The following MAF variants were observed in gnomAD, a reference collection of about 807,000 sequenced individuals.
MAF encodes the protein transcription factor Maf.
In MAF, 10 loss-of-function variants were observed where a neutral mutation model predicts 22.0. The observed-to-expected ratio is 0.45, with a 90% CI of 0.28 to 0.77. MAF has a LOEUF of 0.77. Ranked by LOEUF, MAF falls within the 30% of genes least tolerant of loss-of-function variation. The pLI, the probability that MAF is intolerant of heterozygous loss-of-function variation, is 0.12. For missense variants in MAF, 544 were observed against 548.4 expected, an observed-to-expected ratio of 0.99 and a Z score of 0.08; for synonymous variants, 337 against 255.8, an observed-to-expected ratio of 1.32 and a Z score of -3.03.
chr16:79,305,119 A>C, the MAF span, among the ~76,000 whole-genome samples: 1 of 152,196 alleles, frequency 6.6e-6, no homozygotes, highest in African/African-American at 2.4e-5. Flanking sequence ...AGAACGTCCA[A>C]AGAAACAAGG....
At chr16:79,432,331 T>A in the MAF span, among the ~76,000 whole-genome samples, 1 of 152,146 alleles carries the variant, frequency 6.6e-6, no homozygotes, top group African/African-American at 2.4e-5. Context: ...AATTACTCAG[T>A]CTCGAGTATT....
At chr16:79,336,233 C>T in the MAF span, among the ~76,000 whole-genome samples, 1 of 152,234 alleles carries the variant, frequency 6.6e-6, no homozygotes, top group Admixed American at 6.5e-5. Context: ...TGTCACATGG[C>T]AGCATTACAT....
At chr16:79,306,727 A>T in the MAF span, among the ~76,000 whole-genome samples, 20 of 152,222 alleles carry the variant, frequency 1.3e-4, no homozygotes, top group East Asian at 3.5e-3. Context: ...TTTCGTTCTT[A>T]TCTTGGGCTG....
the MAF span, among the ~76,000 whole-genome samples, chr16:79,556,142 A>T: frequency 6.6e-6 from 1 of 152,184 alleles, no homozygotes; most frequent in Admixed American, 6.5e-5. Flanking sequence ...AATTCCTGAA[A>T]ATTTGACAAT....
At chr16:79,289,262 G>A in the MAF span, among the ~76,000 whole-genome samples, 3 of 152,098 alleles carry the variant, frequency 2.0e-5, no homozygotes, top group African/African-American at 7.2e-5. Flanking sequence ...CCACAAAGGA[G>A]GTGATGGAAG....
the MAF span, among the ~76,000 whole-genome samples, chr16:79,328,277 G>A: frequency 1.3e-5 from 2 of 148,508 alleles, no homozygotes; most frequent in Non-Finnish European, 3.0e-5. Context: ...GCAAATCAGA[G>A]CTCCTTTTTT....
In MAF at chr16:79,599,192, CCCGCCGCCTCCGCCG is replaced by C. The variant is rs1229626204; in HGVS notation, c.696_710del (p.Gly234_Gly238del). The stretch of plus-strand genomic sequence containing the variant: ...GGGCGCCCCCCGCCCCCGCCGCGCC[CCCGCCGCCTCCGCCG>C]CCGCCGCCGCCGCCGCCGCCCCCAG... On this transcript the variant is annotated inframe_deletion, in exon 1 of 2. Coordinates refer to ENST00000326043, the MANE Select transcript of MAF (RefSeq NM_005360.5). 326 of 1,026,632 alleles carry C rather than the reference CCCGCCGCCTCCGCCG, an allele frequency of 3.2e-4. 1 individual carries two copies. In the African/African-American group the frequency reaches 5.3e-3, roughly 17 times the overall value. The allele number at this position is 1,026,632 out of a possible 1,614,324, so 63.6% of individuals were successfully genotyped here.
the MAF span, among the ~76,000 whole-genome samples, chr16:79,215,150 C>T: frequency 6.6e-6 from 1 of 152,188 alleles, no homozygotes; most frequent in Non-Finnish European, 1.5e-5. Context: ...GCAGTTCACA[C>T]CCAGGAGTGT....
At chr16:79,597,777 A>G in intron 1 of MAF, 4 of 1,020,850 alleles carry the variant, frequency 3.9e-6, no homozygotes, top group Non-Finnish European at 4.7e-6. Flanking sequence ...AAATAATTAT[A>G]CCATACATGT....
the MAF span, among the ~76,000 whole-genome samples, chr16:79,564,137 G>C: frequency 6.6e-6 from 1 of 152,322 alleles, no homozygotes; most frequent in South Asian, 2.1e-4. Flanking sequence ...TGGGATTTCT[G>C]CTAAGTGGCT....
the MAF span, among the ~76,000 whole-genome samples, chr16:79,460,648 T>G: frequency 1.1e-4 from 16 of 152,364 alleles, no homozygotes; most frequent in African/African-American, 3.6e-4. Flanking sequence ...AAAAATCATT[T>G]AGAATCTTGA....
chr16:79,372,247 G>T, the MAF span, among the ~76,000 whole-genome samples: 1 of 152,060 alleles, frequency 6.6e-6, no homozygotes, highest in Non-Finnish European at 1.5e-5. Flanking sequence ...TGAGCAGAGG[G>T]TGAGGATGGG....
chr16:79,280,953 C>A, the MAF span, among the ~76,000 whole-genome samples: 1 of 152,132 alleles, frequency 6.6e-6, no homozygotes, highest in Non-Finnish European at 1.5e-5. Context: ...ATTGCCACCC[C>A]CGACCCTGAG....
the MAF span, among the ~76,000 whole-genome samples, chr16:79,241,244 C>T: frequency 5.3e-5 from 8 of 151,914 alleles, 1 homozygote; most frequent in South Asian, 2.1e-4. Context: ...CAAACTTCAC[C>T]GAGCTAAAGG....
At chr16:79,358,099 G>A in the MAF span, among the ~76,000 whole-genome samples, 348 of 152,310 alleles carry the variant, frequency 2.3e-3, 5 homozygotes, top group South Asian at 3.5e-3. Context: ...GCACAGTCAC[G>A]GCACATCACA....
chr16:79,472,293 C>T, the MAF span, among the ~76,000 whole-genome samples: 3 of 152,154 alleles, frequency 2.0e-5, no homozygotes, highest in Non-Finnish European at 4.4e-5. Context: ...AATGAAGATT[C>T]GTGTCTACAT....
chr16:79,477,499 T>C, the MAF span, among the ~76,000 whole-genome samples: 1 of 152,184 alleles, frequency 6.6e-6, no homozygotes, highest in Non-Finnish European at 1.5e-5. Context: ...AAGCCTGTGT[T>C]CACAGTAGGA....
chr16:79,524,877 C>T, the MAF span, among the ~76,000 whole-genome samples: 3 of 152,220 alleles, frequency 2.0e-5, no homozygotes, highest in Non-Finnish European at 2.9e-5. Context: ...ACATTTATAT[C>T]TGCTTAAATA....
At chr16:79,354,925 A>G in the MAF span, among the ~76,000 whole-genome samples, 1 of 152,190 alleles carries the variant, frequency 6.6e-6, no homozygotes, top group African/African-American at 2.4e-5. Context: ...GAAGGAAAAA[A>G]TAAGTGGGAG....
Sources: allele counts gnomAD v4.1 joint callset (sites outside exome capture counted in the v4.1 genomes callset), GRCh38; gene constraint gnomAD v4.1.1; transcripts MANE v1.5; gene names NCBI Gene and HGNC (gene_info 2026-07-23, HGNC 2026-07-21).